SNPH: variants seen among roughly 807,000 people sequenced by gnomAD.
The protein encoded by SNPH is syntaphilin.
SNPH carries 10 observed loss-of-function variants against 36.8 expected under a neutral mutation model. That is an observed-to-expected ratio of 0.27 (90% CI 0.17 to 0.46). The LOEUF (loss-of-function observed/expected upper bound fraction) is 0.46. Ranked by LOEUF, SNPH falls within the 20% of genes least tolerant of loss-of-function variation. The probability of loss-of-function intolerance (pLI) is 1.00; values close to 1 mark genes in which losing one functional copy is unlikely to be tolerated. For missense variants in SNPH, 622 were observed against 744.0 expected, an observed-to-expected ratio of 0.84 and a Z score of 1.91; for synonymous variants, 281 against 312.2, an observed-to-expected ratio of 0.90 and a Z score of 1.05.
intron 6 of SNPH, 97 bp downstream of exon 6, chr20:1,300,808 T>C: frequency 7.9e-7 from 1 of 1,258,290 alleles, no homozygotes; most frequent in Non-Finnish European, 1.1e-6. Flanking sequence ...GAGGAGTGGC[T>C]GGGGGTCTCC....
intron 2 of SNPH, among the ~76,000 whole-genome samples, chr20:1,283,271 C>T (rs1476683921): frequency 1.3e-5 from 2 of 152,210 alleles, no homozygotes; most frequent in African/African-American, 4.8e-5. Flanking sequence ...GGATTCAGAG[C>T]CGTAAGCCTG....
intron 2 of SNPH, among the ~76,000 whole-genome samples, chr20:1,283,078 C>A (rs769922401): frequency 4.6e-5 from 7 of 152,178 alleles, no homozygotes; most frequent in Non-Finnish European, 2.9e-5. Flanking sequence ...AGAAGAGAGG[C>A]TTTAGCTGCA....
At chr20:1,292,655 G>A (rs1025605051) in intron 2 of SNPH, among the ~76,000 whole-genome samples, 8 of 152,120 alleles carry the variant, frequency 5.3e-5, no homozygotes, top group African/African-American at 1.9e-4. Flanking sequence ...ATGGCTTCCT[G>A]TTGCCCACAG....
At chr20:1,273,572 A>T (rs1356069388) in intron 2 of SNPH, among the ~76,000 whole-genome samples, 2 of 152,200 alleles carry the variant, frequency 1.3e-5, no homozygotes, top group African/African-American at 4.8e-5. Flanking sequence ...GGCCTGACAC[A>T]TAGAAATATT....
intron 2 of SNPH, among the ~76,000 whole-genome samples, chr20:1,281,545 C>T (rs2088223382): frequency 6.6e-6 from 1 of 152,194 alleles, no homozygotes; most frequent in Non-Finnish European, 1.5e-5. Flanking sequence ...AGTACCCAGC[C>T]CCCTGTAGCT....
In SNPH at chr20:1,305,188, C is replaced by T. The variant is rs151237144; in HGVS notation, c.751C>T (p.Arg251Cys). 1.5e-4 allele frequency: 248 copies of T among 1,612,056 alleles called. No individual in the cohort carries two copies. The highest frequency in any genetic ancestry group is 5.0e-4 in the Middle Eastern group (3 of 6,058). The change falls in exon 7 of 7, where the codon CGC becomes TGC. Residue 251 changes from arginine to cysteine, a missense_variant. Physicochemically the swap from Arg to Cys is radical, Grantham distance 180. Transcript: ENST00000381867. ...GGAGTCAGCCGGTGGGTCCCCTGCC[C>T]GCTCCCTCACCCGCAGCTCCACCTA... Reference protein sequence around the residue: ...TGESAGGSPARSLTRSSTYTK... With the variant: ...TGESAGGSPACSLTRSSTYTK...
chr20:1,303,533 A>G (rs993744725), intron 6 of SNPH, among the ~76,000 whole-genome samples: 3 of 152,204 alleles, frequency 2.0e-5, no homozygotes, highest in East Asian at 1.9e-4. Context: ...AAGGCCAAGT[A>G]TCTCCTGCCC....
rs1249764718 is a variant in SNPH, at chr20:1,305,037, G to A, written c.600G>A (p.Leu200=). The change falls in exon 7 of 7, where the codon CTG becomes CTA. Residue 200 remains leucine, a synonymous_variant. Transcript: ENST00000381867. Reference sequence around the variant, plus strand: ...TCATCGACACTGTCAAGAACAACCTGATTGACAAGGACAAGGGGCTGCAGA... The same window carrying A: ...TCATCGACACTGTCAAGAACAACCTAATTGACAAGGACAAGGGGCTGCAGA... ...KQVIDTVKNN[L]IDKDKGLQKY... 6.2e-7 allele frequency: 1 copy of A among 1,614,072 alleles called. No homozygotes were observed. Among genetic ancestry groups the A allele is most frequent in the Non-Finnish European group, 8.5e-7 (1 of 1,180,040 alleles).
At chr20:1,293,860 TG>T (rs1380735046) in intron 2 of SNPH, among the ~76,000 whole-genome samples, 1 of 152,162 alleles carries the variant, frequency 6.6e-6, no homozygotes, top group Non-Finnish European at 1.5e-5. Flanking sequence ...CAGGGACAGC[TG>T]GGACAAGGCC....
rs2088548871 is a variant in SNPH, at chr20:1,305,007, G to A, written c.570G>A (p.Lys190=). The A allele has an allele frequency of 6.2e-7, 1 of 1,613,982 alleles. No homozygotes were observed. Among genetic ancestry groups the A allele is most frequent in the African/African-American group, 1.3e-5 (1 of 74,950 alleles). ...CCCGAAAGGAGATCAAGCAGCTCAA[G>A]CAGGTCATCGACACTGTCAAGAACA... ...KEARKEIKQL[K]QVIDTVKNNL... is the part of the protein sequence containing the mutation. The change falls in exon 7 of 7, where the codon AAG becomes AAA. Residue 190 remains lysine (K), a synonymous_variant. Transcript: ENST00000381867.
chr20:1,268,403 G>A (rs894680108), intron 2 of SNPH, among the ~76,000 whole-genome samples: 1 of 152,168 alleles, frequency 6.6e-6, no homozygotes, highest in African/African-American at 2.4e-5. Flanking sequence ...GTCACCCTGA[G>A]GCCAGGCAGT....
intron 5 of SNPH, among the ~76,000 whole-genome samples, chr20:1,299,275 T>C (rs1285332566): frequency 1.3e-5 from 2 of 152,210 alleles, no homozygotes; most frequent in East Asian, 3.8e-4. Flanking sequence ...CACCAGGGCC[T>C]GCCTTTTCCA....
In SNPH at chr20:1,307,494, C is replaced by T. The variant is rs1372215372; in HGVS notation, c.*1440C>T. 6.6e-6 allele frequency: 1 copy of T among 152,348 alleles called. No individual in the cohort carries two copies. The highest frequency in any genetic ancestry group is 2.4e-5 in the African/African-American group (1 of 41,482). The allele number at this position is 152,348 out of a possible 1,614,324, so 9.4% of individuals were successfully genotyped here. ...AGGGGTTACACCCATCTGGTTGTCCCACCCACTCTTCAGAGGCTAGGCCCC... is the reference window on the plus strand; with the variant it reads ...AGGGGTTACACCCATCTGGTTGTCCTACCCACTCTTCAGAGGCTAGGCCCC... On this transcript the variant is annotated 3_prime_UTR_variant, in exon 7 of 7. Coordinates refer to ENST00000381867, the MANE Select transcript of SNPH (RefSeq NM_001318234.2).
chr20:1,273,640 C>A (rs77953441), intron 2 of SNPH, among the ~76,000 whole-genome samples: 9,153 of 152,172 alleles, frequency 0.06, 382 homozygotes, highest in South Asian at 0.1. Flanking sequence ...GCCCTCATAG[C>A]ACCTGTTTTA....
At position 1,299,379 on chromosome 20, in the gene SNPH, C is replaced by T. The variant is rs549313825; in HGVS notation, c.291-1183C>T. On this transcript the variant is annotated intron_variant, in intron 5 of 6. Coordinates refer to ENST00000381867, the MANE Select transcript of SNPH (RefSeq NM_001318234.2). ...TGGCAACAAGGCCTGAGTCTCTAGT[C>T]GCGAGATACATGCCCAGGTTTTAAG... Among the ~76,000 whole-genome samples the T allele has an allele frequency of 9.6e-4, 146 of 152,300 alleles. 1 individual carries two copies. Among genetic ancestry groups the T allele is most frequent in the South Asian group, 2.9e-3 (14 of 4,824 alleles).
rs780246617 is a variant in SNPH, at chr20:1,296,385, T to C, written c.146T>C (p.Leu49Pro). Residue 49 changes from leucine (L) to proline (P), a missense_variant, in exon 4 of 7, where the codon CTG becomes CCG. Transcript: ENST00000381867. ...TRTHSLMAMS[L>P]PGSRRTSAGS... Reference sequence around the variant, plus strand: ...ACCCACAGCCTCATGGCCATGTCCCTGCCAGGAAGTAGACGGACCTCTGCT... The same window carrying C: ...ACCCACAGCCTCATGGCCATGTCCCCGCCAGGAAGTAGACGGACCTCTGCT... 1.2e-6 allele frequency: 2 copies of C among 1,603,402 alleles called. No homozygotes were observed. The highest frequency in any genetic ancestry group is 1.7e-6 in the Non-Finnish European group (2 of 1,174,738).
At chr20:1,273,925 T>C (rs1193270684) in intron 2 of SNPH, among the ~76,000 whole-genome samples, 8 of 152,196 alleles carry the variant, frequency 5.3e-5, no homozygotes. Flanking sequence ...GAGCCTACAC[T>C]TAGATGCCAG....
Position 1,266,411 on chromosome 20 carries a change from C to T in SNPH, c.-600+14C>T. Reference sequence around the variant, plus strand: ...AAGCCTCCGCAGGTGATGACAAGGACCCCGGGGATCTCCGGGCCCACCGCC... The same window carrying T: ...AAGCCTCCGCAGGTGATGACAAGGATCCCGGGGATCTCCGGGCCCACCGCC... On this transcript the variant is annotated intron_variant, in intron 1 of 6. Coordinates refer to ENST00000381867, the MANE Select transcript of SNPH (RefSeq NM_001318234.2). The surrounding 1 kb of genome is among the most constrained non-coding windows in gnomAD (Gnocchi z 6.0). 1 of 459,750 alleles carries T rather than the reference C, an allele frequency of 2.2e-6. No individual in the cohort carries two copies. 28.5% of individuals were successfully genotyped at this position (459,750 alleles called of 1,614,324 possible). A position where few individuals can be genotyped will look rare whatever the true frequency, so the allele number is the denominator to read the frequency against.
chr20:1,284,892 C>T (rs1337966247), intron 2 of SNPH, among the ~76,000 whole-genome samples: 1 of 152,178 alleles, frequency 6.6e-6, no homozygotes, highest in Non-Finnish European at 1.5e-5. Flanking sequence ...AGAGGAATGA[C>T]CTGATCCAAT....
Sources: allele counts gnomAD v4.1 joint callset (sites outside exome capture counted in the v4.1 genomes callset), GRCh38; gene constraint gnomAD v4.1.1; non-coding constraint Gnocchi (gnomAD v3.1); transcripts MANE v1.5; gene names NCBI Gene and HGNC (gene_info 2026-07-23, HGNC 2026-07-21).